Variants in TCOF1 observed in about 807,000 individuals in gnomAD.
The protein encoded by TCOF1 is treacle ribosome biogenesis factor 1.
Under a neutral mutation model 149.0 loss-of-function variants are expected in TCOF1, and 33 were observed. That is an observed-to-expected ratio of 0.22 (90% CI 0.17 to 0.30). The LOEUF (loss-of-function observed/expected upper bound fraction) is 0.30, where lower values mean the gene tolerates loss of function less well. Ranked by LOEUF, TCOF1 falls within the 10% of genes least tolerant of loss-of-function variation. TCOF1 has a pLI of 1.00. For synonymous variants in TCOF1, 789 were observed against 738.8 expected (o/e 1.07, Z -1.10); for missense variants, 1,728 against 1,840.7 (o/e 0.94, Z 1.12).
At chr5:150,393,589 C>T (rs1406929663) in intron 23 of TCOF1, 37 bp downstream of exon 23, 4 of 1,613,688 alleles carry the variant, frequency 2.5e-6, no homozygotes, top group Non-Finnish European at 1.7e-6. Flanking sequence ...TAGCAGGACA[C>T]AGAGGGACAG....
Position 150,375,532 on chromosome 5 carries a change from C to G in TCOF1, c.1682C>G (p.Pro561Arg). ...TCAGACAGCAGTGATGGAGAGGTGC[C>G]CACAGCTGTGGCCCCGGCTCAGGTG... The part of the protein sequence containing the change: ...ESSDSSDGEV[P>R]TAVAPAQEKS... The change falls in exon 11 of 27, where the codon CCC becomes CGC. Residue 561 changes from proline (P) to arginine (R), a missense_variant. By Grantham distance (103) the Pro-to-Arg change is moderately radical (BLOSUM62 -2). This residue lies in a region of TCOF1 where 1,696 missense variants were observed against 1,765.4 expected (regional missense o/e 0.96). Coordinates refer to ENST00000643257, the MANE Select transcript of TCOF1 (RefSeq NM_001371623.1). The G allele has an allele frequency of 6.2e-7, 1 of 1,614,056 alleles. No homozygotes were observed. The highest frequency in any genetic ancestry group is 8.5e-7 in the Non-Finnish European group (1 of 1,179,964).
At chr5:150,396,881 T>C (rs772408865) in intron 24 of TCOF1, 39 bp downstream of exon 24, 5 of 1,562,094 alleles carry the variant, frequency 3.2e-6, no homozygotes, top group Non-Finnish European at 4.3e-6. Context: ...CAAGGGCTGC[T>C]GGGCACCCCA....
At chr5:150,359,197 A>T (rs76659219) in intron 1 of TCOF1, among the ~76,000 whole-genome samples, 8,694 of 152,108 alleles carry the variant, frequency 0.057, 336 homozygotes, top group East Asian at 0.11. Context: ...AAATGCAAAA[A>T]TTAGCCATGC....
chr5:150,396,164 C>T (rs1169050271), intron 23 of TCOF1, 118 bp from the exon 24 acceptor site: 2 of 1,177,676 alleles, frequency 1.7e-6, no homozygotes, highest in Non-Finnish European at 1.3e-6. Flanking sequence ...TTGCTCTCCC[C>T]ATCTGTGCCA....
chr5:150,376,495 A>G lies in TCOF1; in HGVS notation c.2215A>G (p.Thr739Ala), dbSNP rs757354979. 20 of 1,613,894 alleles carry G rather than the reference A, an allele frequency of 1.2e-5. No individual in the cohort carries two copies. Among genetic ancestry groups the G allele is most frequent in the African/African-American group, 2.7e-5 (2 of 74,918 alleles). ...TGTCAAGGGGTCCTTGGGGCAAGGG[A>G]CTGCTCCAGTACTCCCTGGGAAGAC... is the stretch of plus-strand genomic sequence containing the variant. ...VPVKGSLGQG[T>A]APVLPGKTGP... The change falls in exon 14 of 27, where the codon ACT (threonine) becomes GCT (alanine). Residue 739 changes from threonine to alanine, a missense_variant. Physicochemically the swap from Thr to Ala is moderately conservative, Grantham distance 58. Transcript: ENST00000643257.
At position 150,398,875 on chromosome 5, in the gene TCOF1, C is replaced by T; in HGVS notation, c.4444-147C>T. 3 of 1,121,436 alleles carry T rather than the reference C, an allele frequency of 2.7e-6. No individual in the cohort carries two copies. The East Asian group carries it at 7.5e-5, about 28-fold the overall frequency. 69.5% of individuals were successfully genotyped at this position (1,121,436 alleles called of 1,614,324 possible). Reference sequence around the variant, plus strand: ...AGGGCCTCAGCTGTATTTAGGAGAGCTGAACATCTGTTTGCCTCTGCCCTT... The same window carrying T: ...AGGGCCTCAGCTGTATTTAGGAGAGTTGAACATCTGTTTGCCTCTGCCCTT... On this transcript the variant is annotated intron_variant, in intron 25 of 26. Coordinates refer to ENST00000643257, the MANE Select transcript of TCOF1 (RefSeq NM_001371623.1).
chr5:150,375,960 G>T (rs1763695665), intron 12 of TCOF1, 51 bp downstream of exon 12: 8 of 1,613,868 alleles, frequency 5.0e-6, no homozygotes, highest in Non-Finnish European at 6.8e-6. Context: ...CCACACCACA[G>T]TCAGCACCCC....
intron 17 of TCOF1, chr5:150,385,119 G>A: frequency 5.1e-6 from 5 of 975,492 alleles, no homozygotes; most frequent in Non-Finnish European, 6.1e-6. Flanking sequence ...ATGTATATGT[G>A]TATCAAAACA....
intron 21 of TCOF1, 133 bp downstream of exon 21, chr5:150,392,309 TC>T: frequency 1.2e-6 from 1 of 861,876 alleles, no homozygotes; most frequent in Non-Finnish European, 1.8e-6. Flanking sequence ...GGCCTCAGTT[TC>T]CCCACCTGTA....
intron 17 of TCOF1, chr5:150,384,242 AACC>A (rs1765818661): frequency 2.0e-6 from 2 of 992,484 alleles, no homozygotes; most frequent in African/African-American, 3.5e-5. Flanking sequence ...AGTAAAGAAC[AACC>A]ACCACCAACA....
At chr5:150,379,830 G>T in intron 17 of TCOF1, 98 bp downstream of exon 17, 1 of 1,446,852 alleles carries the variant, frequency 6.9e-7, no homozygotes, top group Non-Finnish European at 9.5e-7. Flanking sequence ...CTAGCACTTT[G>T]GGAGGCCGAG....
At chr5:150,358,199 G>GC (rs952587789) in intron 1 of TCOF1, among the ~76,000 whole-genome samples, 34 of 151,848 alleles carry the variant, frequency 2.2e-4, no homozygotes, top group African/African-American at 7.7e-4. Context: ...GCTCTGCGCG[G>GC]CCCCCCCTGG....
intron 14 of TCOF1, 155 bp from the exon 15 acceptor site, chr5:150,378,750 C>A: frequency 9.9e-7 from 1 of 1,011,902 alleles, no homozygotes; most frequent in South Asian, 1.4e-5. Context: ...TGAACTGAGG[C>A]CCAGTGAGAT....
At chr5:150,362,274 A>T (rs1205237516) in intron 2 of TCOF1, among the ~76,000 whole-genome samples, 1 of 152,180 alleles carries the variant, frequency 6.6e-6, no homozygotes, top group Non-Finnish European at 1.5e-5. Flanking sequence ...TCATCCAAGG[A>T]TATATCAACA....
intron 2 of TCOF1, among the ~76,000 whole-genome samples, chr5:150,362,801 GTACT>G (rs1369325048): frequency 6.6e-6 from 1 of 152,098 alleles, no homozygotes; most frequent in Non-Finnish European, 1.5e-5. Context: ...GTTATTCGTA[GTACT>G]TCCTTCCCCC....
Position 150,389,966 on chromosome 5 carries a change from C to G in TCOF1, c.3126C>G (p.Ser1042Arg). The change falls in exon 19 of 27, where the codon AGC becomes AGG. Residue 1042 changes from serine to arginine, a missense_variant. Around this residue, in one of 2 missense-constraint regions of TCOF1, gnomAD observed 1,696 missense variants for 1,765.4 expected, o/e 0.96. Transcript: ENST00000643257. ...AAGCCAGCATGGCTGGGGCCAGCAG[C>G]AGCAAGGAGTCCAGTCGGATATCAG... ...APKASMAGASSSKESSRISDG... is the reference protein window; with the variant it reads ...APKASMAGASRSKESSRISDG... The G allele has an allele frequency of 6.2e-7, 1 of 1,614,174 alleles. No homozygotes were observed. The highest frequency in any genetic ancestry group is 8.5e-7 in the Non-Finnish European group (1 of 1,180,038).
intron 2 of TCOF1, among the ~76,000 whole-genome samples, chr5:150,362,680 G>A (rs1162120466): frequency 1.3e-5 from 2 of 152,146 alleles, no homozygotes; most frequent in Non-Finnish European, 2.9e-5. Context: ...CTGGTGGAGA[G>A]CTAAGGTCTT....
At chr5:150,364,004 A>G (rs1760733669) in intron 2 of TCOF1, 109 bp from the exon 3 acceptor site, 2 of 1,520,946 alleles carry the variant, frequency 1.3e-6, no homozygotes, top group Non-Finnish European at 1.8e-6. Flanking sequence ...TTTAGATTCT[A>G]TGCACATTGC....
intron 17 of TCOF1, chr5:150,384,682 T>G (rs1457544194): frequency 7.1e-6 from 7 of 985,372 alleles, no homozygotes; most frequent in African/African-American, 1.7e-5. Context: ...GGAGTCTATT[T>G]AAAAAGCAGA....
Sources: gnomAD v4.1 joint callset for allele counts (sites outside exome capture counted in the v4.1 genomes callset) on GRCh38, gnomAD v4.1.1 for gene constraint, gnomAD v4.1.1 regional missense constraint, MANE v1.5 for transcripts, NCBI Gene and HGNC (gene_info 2026-07-23, HGNC 2026-07-21) for gene names.